The following USP43 variants were observed in gnomAD, a reference collection of about 807,000 sequenced individuals.
The protein encoded by USP43 is ubiquitin carboxyl-terminal hydrolase 43.
USP43 carries 33 observed loss-of-function variants against 90.7 expected under a neutral mutation model. The ratio of observed to expected loss-of-function variants is 0.36; its 90% CI spans 0.28 to 0.49. USP43 has a LOEUF of 0.49. Ranked by LOEUF, USP43 falls within the 20% of genes least tolerant of loss-of-function variation. The pLI is 0.98. For missense variants in USP43, 1,274 were observed against 1,476.4 expected (o/e 0.86, Z 2.25); for synonymous variants, 598 against 615.8 (o/e 0.97, Z 0.43).
chr17:9,724,009 C>T (rs982933178), intron 14 of USP43, among the ~76,000 whole-genome samples: 1 of 152,146 alleles, frequency 6.6e-6, no homozygotes, highest in Non-Finnish European at 1.5e-5. Flanking sequence ...TAAGCTGTCA[C>T]GTTTCATCTG....
chr17:9,723,856 G>T (rs1013033810), intron 14 of USP43, among the ~76,000 whole-genome samples: 1 of 151,874 alleles, frequency 6.6e-6, no homozygotes, highest in African/African-American at 2.4e-5. Flanking sequence ...TGATCCACCC[G>T]CCTCGGCCTC....
intron 5 of USP43, among the ~76,000 whole-genome samples, chr17:9,678,046 AGAGACG>A (rs1290822633): frequency 6.6e-6 from 1 of 152,234 alleles, no homozygotes; most frequent in Non-Finnish European, 1.5e-5. Flanking sequence ...AGTTACTGAA[AGAGACG>A]GAGAGAGAGG....
chr17:9,706,563 C>T (rs547772991), intron 12 of USP43, among the ~76,000 whole-genome samples: 1 of 151,232 alleles, frequency 6.6e-6, no homozygotes, highest in South Asian at 2.1e-4. Context: ...GCCAATTTGT[C>T]CCGAGATCAC....
At chr17:9,717,356 G>T (rs1916640322) in intron 14 of USP43, among the ~76,000 whole-genome samples, 1 of 136,778 alleles carries the variant, frequency 7.3e-6, no homozygotes, top group Non-Finnish European at 1.5e-5. Flanking sequence ...AATTGCTTGG[G>T]CACAGTGTGT....
chr17:9,647,283 C>T (rs1567642339), intron 1 of USP43, among the ~76,000 whole-genome samples: 3 of 152,156 alleles, frequency 2.0e-5, no homozygotes, highest in South Asian at 2.1e-4. Context: ...ACCTTCCTCC[C>T]TCCTGCCTCC....
At chr17:9,680,475 A>C (rs548573581) in intron 6 of USP43, 109 bp downstream of exon 6, 2 of 1,283,662 alleles carry the variant, frequency 1.6e-6, no homozygotes, top group African/African-American at 2.9e-5. Flanking sequence ...CACTTGGAAC[A>C]GTCAGACTTA....
intron 8 of USP43, among the ~76,000 whole-genome samples, chr17:9,687,147 G>A (rs961576142): frequency 7.9e-5 from 12 of 152,142 alleles, no homozygotes; most frequent in African/African-American, 2.9e-4. Context: ...CATGGGCAGA[G>A]CTTTTTCTTA....
chr17:9,721,452 T>G (rs893562423), intron 14 of USP43, among the ~76,000 whole-genome samples: 8 of 152,196 alleles, frequency 5.3e-5, no homozygotes, highest in Admixed American at 1.3e-4. Flanking sequence ...CAAAAATTAT[T>G]CCCTTTATGG....
intron 3 of USP43, among the ~76,000 whole-genome samples, chr17:9,671,015 G>A (rs905529813): frequency 6.6e-6 from 1 of 152,126 alleles, no homozygotes. Flanking sequence ...GCCTGGGATG[G>A]CATCAGCCTT....
rs1916088427 is a variant in USP43, at chr17:9,709,898, A to G, written c.2012-58A>G. On this transcript the variant is annotated intron_variant, in intron 12 of 14. Transcript: ENST00000285199. This position sits in a 1 kb window ranked among gnomAD's most constrained non-coding sequence, Gnocchi z 5.0. ...GCTTTTTCAGCTATGCCAGTGGGAA[A>G]TGTCTTCCTACCTTTTGGGGCTCCA... is the stretch of plus-strand genomic sequence containing the variant. The G allele has an allele frequency of 1.5e-6, 2 of 1,359,812 alleles. No homozygotes were observed. Among genetic ancestry groups the G allele is most frequent in the Admixed American group, 3.0e-5 (1 of 33,714 alleles). 84.2% of individuals were successfully genotyped at this position (1,359,812 alleles called of 1,614,324 possible). A position where few individuals can be genotyped will look rare whatever the true frequency, so the allele number is the denominator to read the frequency against.
rs1477891720 is a variant in USP43, at chr17:9,728,742, C to T, written c.3124C>T (p.Pro1042Ser). Residue 1042 changes from proline to serine, a missense_variant, in exon 15 of 15, where the codon CCT (proline) becomes TCT (serine). By Grantham distance (74) the Pro-to-Ser change is moderately conservative. Transcript: ENST00000285199. The surrounding 1 kb of genome is among the most constrained non-coding windows in gnomAD (Gnocchi z 6.2). ...CATGGACGGGCAGGCTCCAGGCTCA[C>T]CTCCTGCCCTCAGGATCCCAGAGGG... ...PAMDGQAPGS[P>S]PALRIPEGLA... 7 of 1,601,384 alleles carry T rather than the reference C, an allele frequency of 4.4e-6. No homozygotes were observed. Among genetic ancestry groups the T allele is most frequent in the Non-Finnish European group, 6.0e-6 (7 of 1,174,330 alleles).
At position 9,729,197 on chromosome 17, in the gene USP43, A is replaced by G; in HGVS notation, c.*207A>G. On this transcript the variant is annotated 3_prime_UTR_variant, in exon 15 of 15. Coordinates refer to ENST00000285199, the MANE Select transcript of USP43 (RefSeq NM_153210.5). ...AACCCAAGGTCGAAAACCTTCCTGC[A>G]TCATTGGGTGCTTTGCTACAGTTTG... The G allele has an allele frequency of 2.5e-6, 1 of 399,866 alleles. No individual in the cohort carries two copies. The highest frequency in any genetic ancestry group is 4.3e-6 in the Non-Finnish European group (1 of 232,814). The allele number at this position is 399,866 out of a possible 1,614,324, so 24.8% of individuals were successfully genotyped here.
chr17:9,646,902 G>T (rs1056789588), intron 1 of USP43: 1 of 151,902 alleles, frequency 6.6e-6, no homozygotes, highest in African/African-American at 2.4e-5. Context: ...GCATTTTATT[G>T]TCTGCAAGAT....
intron 2 of USP43, among the ~76,000 whole-genome samples, chr17:9,657,000 GT>G (rs1912299865): frequency 6.6e-6 from 1 of 152,114 alleles, no homozygotes. Context: ...GCATCCCCAG[GT>G]TTTGATGGAA....
chr17:9,656,658 ATAT>A (rs1912274948), intron 2 of USP43, 124 bp downstream of exon 2: 2 of 1,263,710 alleles, frequency 1.6e-6, no homozygotes, highest in Non-Finnish European at 2.1e-6. Context: ...TCTGGCTACT[ATAT>A]CCACAGTCTG....
Position 9,710,007 on chromosome 17 carries a change from CG to C in USP43, c.2065del (p.Val689TrpfsTer34). The C allele has an allele frequency of 6.4e-7, 1 of 1,572,354 alleles. No homozygotes were observed. Among genetic ancestry groups the C allele is most frequent in the Non-Finnish European group, 8.6e-7 (1 of 1,159,070 alleles). ...CAGTGGTACAGTTATGATGACAGCA[CG>C]GTGGAACCGCTTCGAGAAGATGAGG... is the stretch of plus-strand genomic sequence containing the variant. ...DGQWYSYDDSTVEPLREDEVN... is the reference protein window; with the variant it reads ...DGQWYSYDDSXVEPLREDEVN... On this transcript the variant is annotated frameshift_variant, in exon 13 of 15. Transcript: ENST00000285199. LOFTEE classifies it high-confidence loss of function.
intron 1 of USP43, 82 bp downstream of exon 1, chr17:9,646,218 T>A: frequency 7.4e-7 from 1 of 1,351,538 alleles, no homozygotes; most frequent in African/African-American, 1.5e-5. Context: ...GAAAGGGTTT[T>A]CTTGGGGCCT....
chr17:9,647,061 C>CAAAAAAAAAAAAAAAAAA (rs11305216), intron 1 of USP43: 43 of 79,694 alleles, frequency 5.4e-4, no homozygotes, highest in South Asian at 1.4e-3. Flanking sequence ...TTGCTTCCTG[C>CAAAAAAAAAAAAAAAAAA]AAAAAAAAAA....
chr17:9,686,669 G>T lies in USP43; in HGVS notation c.1242-129G>T. ...GGATTCTTTGGTTTTTTTTGCTGTT[G>T]AGTTTTTGTGCTTAGCTCTTGTCAC... On this transcript the variant is annotated intron_variant, in intron 7 of 14. Coordinates refer to ENST00000285199, the MANE Select transcript of USP43 (RefSeq NM_153210.5). This position sits in a 1 kb window ranked among gnomAD's most constrained non-coding sequence, Gnocchi z 5.5. 7 of 694,002 alleles carry T rather than the reference G, an allele frequency of 1.0e-5. No individual in the cohort carries two copies. Among genetic ancestry groups the T allele is most frequent in the Admixed American group, 8.6e-5 (3 of 34,760 alleles). 43.0% of individuals were successfully genotyped at this position (694,002 alleles called of 1,614,324 possible).
Sources: allele counts gnomAD v4.1 joint callset (sites outside exome capture counted in the v4.1 genomes callset), GRCh38; gene constraint gnomAD v4.1.1; non-coding constraint Gnocchi (gnomAD v3.1); transcripts MANE v1.5; gene names NCBI Gene and HGNC (gene_info 2026-07-23, HGNC 2026-07-21).